CDK15: variants seen among roughly 807,000 people sequenced by gnomAD.
CDK15 encodes the protein cyclin-dependent kinase 15.
CDK15 carries 62 observed loss-of-function variants against 60.3 expected under a neutral mutation model. The ratio of observed to expected loss-of-function variants is 1.03; its 90% CI spans 0.84 to 1.27. The LOEUF (loss-of-function observed/expected upper bound fraction) is 1.27. Ranked by LOEUF, CDK15 falls within the 50% of genes most tolerant of loss-of-function variation. CDK15 has a pLI of 0.00. For synonymous variants in CDK15, 194 were observed against 195.7 expected (o/e 0.99, Z 0.07); for missense variants, 541 against 527.8 (o/e 1.03, Z -0.25).
chr2:201,835,908 T>A, intron 8 of CDK15, 145 bp downstream of exon 8: 2 of 197,772 alleles, frequency 1.0e-5, no homozygotes, highest in African/African-American at 2.5e-5. Flanking sequence ...TATATATATT[T>A]ATATAGTTAT....
intron 12 of CDK15, chr2:201,888,324 A>G (rs1227564521): frequency 7.5e-7 from 1 of 1,339,908 alleles, no homozygotes; most frequent in Admixed American, 3.1e-5. Context: ...CTATCTCATT[A>G]TCTCGTTCCG....
At position 201,882,599 on chromosome 2, in the gene CDK15, G is replaced by A. The variant is rs889768941; in HGVS notation, c.1198+2432G>A. 6.6e-6 allele frequency among the ~76,000 whole-genome samples: 1 copy of A among 151,164 alleles called. No homozygotes were observed. Among genetic ancestry groups the A allele is most frequent in the Non-Finnish European group, 1.5e-5 (1 of 67,678 alleles). ...CGAGGGAGAAGATGAAAGCGCCGGTGCCAAGAGACAGGGAAAGGCGGGGGC... is the reference window on the plus strand; with the variant it reads ...CGAGGGAGAAGATGAAAGCGCCGGTACCAAGAGACAGGGAAAGGCGGGGGC... On this transcript the variant is annotated intron_variant, in intron 12 of 13. Transcript: ENST00000652192. This position sits in a 1 kb window ranked among gnomAD's most constrained non-coding sequence, Gnocchi z 4.0.
At chr2:201,825,158 C>T (rs1696414095) in intron 6 of CDK15, among the ~76,000 whole-genome samples, 3 of 151,576 alleles carry the variant, frequency 2.0e-5, no homozygotes, top group African/African-American at 2.4e-5. Context: ...ACTAAAGATA[C>T]AAAAAATTAG....
intron 11 of CDK15, chr2:201,876,498 G>GAGA: frequency 2.0e-6 from 2 of 978,836 alleles, no homozygotes; most frequent in Non-Finnish European, 2.8e-6. Flanking sequence ...TTGTACAGGG[G>GAGA]AGACCGACAC....
chr2:201,824,640 A>T, intron 6 of CDK15: 2 of 329,196 alleles, frequency 6.1e-6, no homozygotes, highest in South Asian at 7.4e-5. Flanking sequence ...CCTTTGTAAG[A>T]TTTGTAACAA....
chr2:201,816,465 T>TTTTG (rs1696000265), intron 4 of CDK15, among the ~76,000 whole-genome samples: 1 of 147,582 alleles, frequency 6.8e-6, no homozygotes, highest in African/African-American at 2.5e-5. Context: ...GTTTTTTTTT[T>TTTTG]TTTTTTTTTT....
intron 9 of CDK15, among the ~76,000 whole-genome samples, chr2:201,854,087 T>A (rs767808223): frequency 6.6e-6 from 1 of 151,890 alleles, no homozygotes; most frequent in African/African-American, 2.4e-5. Flanking sequence ...GGCAGGAGAA[T>A]GGTGTGAACC....
intron 6 of CDK15, among the ~76,000 whole-genome samples, chr2:201,830,866 G>A (rs556412358): frequency 4.5e-4 from 69 of 152,306 alleles, no homozygotes; most frequent in African/African-American, 1.5e-3. Context: ...GTGGTCAAAG[G>A]TATGAGGAAG....
At chr2:201,888,786 A>G in intron 12 of CDK15, 1 of 1,159,762 alleles carries the variant, frequency 8.6e-7, no homozygotes, top group Non-Finnish European at 1.1e-6. Flanking sequence ...GCCGGAGGGA[A>G]ATCCCAGCTT....
chr2:201,844,298 C>T (rs936986023), intron 8 of CDK15, among the ~76,000 whole-genome samples: 3 of 152,272 alleles, frequency 2.0e-5, no homozygotes, highest in Non-Finnish European at 4.4e-5. Context: ...GTGCATGTGG[C>T]GAAGTCATGG....
intron 10 of CDK15, among the ~76,000 whole-genome samples, chr2:201,867,954 C>T (rs62195470): frequency 2.6e-5 from 4 of 152,174 alleles, no homozygotes; most frequent in African/African-American, 9.7e-5. Context: ...TAAGCAATTT[C>T]CCTAAAGTCT....
rs560201541 is a variant in CDK15 at position 201,812,222 on chromosome 2, A to C, written c.369-261A>C. Among the ~76,000 whole-genome samples the C allele has an allele frequency of 2.6e-5, 4 of 151,732 alleles. No individual in the cohort carries two copies. In the South Asian group the frequency reaches 6.2e-4, roughly 24 times the overall value. On this transcript the variant is annotated intron_variant, in intron 3 of 13. Transcript: ENST00000652192. ...AAACAAAAAAACACTACAATAAGTCAGATGAAAAATAATAATAAGCTCCAA... is the reference window on the plus strand; with the variant it reads ...AAACAAAAAAACACTACAATAAGTCCGATGAAAAATAATAATAAGCTCCAA...
chr2:201,807,462 A>C (rs759851495), intron 1 of CDK15, 32 bp from the exon 2 acceptor site: 32 of 1,598,640 alleles, frequency 2.0e-5, no homozygotes, highest in Admixed American at 3.5e-5. Flanking sequence ...ACTTTGCATA[A>C]ATTTTATTTC....
At chr2:201,893,108 A>G (rs1333630705) in intron 13 of CDK15, among the ~76,000 whole-genome samples, 193 bp from the exon 14 acceptor site, 2 of 152,198 alleles carry the variant, frequency 1.3e-5, no homozygotes, top group Admixed American at 6.5e-5. Flanking sequence ...CTGGAGATAG[A>G]TTTTGATTAT....
intron 8 of CDK15, among the ~76,000 whole-genome samples, chr2:201,839,913 T>C (rs1442459828): frequency 1.3e-5 from 2 of 152,152 alleles, no homozygotes; most frequent in Non-Finnish European, 2.9e-5. Flanking sequence ...AATTTCTTCA[T>C]GTGTGTTTGA....
chr2:201,864,427 C>T (rs1386303029), intron 10 of CDK15, among the ~76,000 whole-genome samples: 1 of 152,188 alleles, frequency 6.6e-6, no homozygotes, highest in African/African-American at 2.4e-5. Context: ...AAGTGATTCT[C>T]GTGCCTCAGC....
At chr2:201,881,347 A>G (rs1364423856) in intron 12 of CDK15, among the ~76,000 whole-genome samples, 2 of 152,212 alleles carry the variant, frequency 1.3e-5, no homozygotes, top group Non-Finnish European at 2.9e-5. Context: ...CTGTAGAAAG[A>G]GTCAGTCATT....
intron 10 of CDK15, among the ~76,000 whole-genome samples, chr2:201,856,782 A>C (rs1698159782): frequency 6.6e-6 from 1 of 152,184 alleles, no homozygotes; most frequent in African/African-American, 2.4e-5. Flanking sequence ...TGTGGTGGGC[A>C]TATGCTGCTC....
chr2:201,817,399 CAT>C (rs1696043136), intron 4 of CDK15, among the ~76,000 whole-genome samples: 1 of 152,066 alleles, frequency 6.6e-6, no homozygotes, highest in South Asian at 2.1e-4. Context: ...GCAATTTTTT[CAT>C]ATGTTTGTTG....
Sources: gnomAD v4.1 joint callset for allele counts (sites outside exome capture counted in the v4.1 genomes callset) on GRCh38, gnomAD v4.1.1 for gene constraint, Gnocchi (gnomAD v3.1) non-coding constraint, MANE v1.5 for transcripts, NCBI Gene and HGNC (gene_info 2026-07-23, HGNC 2026-07-21) for gene names.